CADM2: variants seen among roughly 807,000 people sequenced by gnomAD.
CADM2 encodes the protein immunoglobulin superfamily member 4D.
In CADM2, 12 loss-of-function variants were observed where a neutral mutation model predicts 49.8. The observed-to-expected ratio is 0.24, with a 90% CI of 0.15 to 0.39. The LOEUF is 0.39. Among genes scored for constraint, CADM2 ranks in the 10% least tolerant of loss-of-function variants. The pLI is 1.00. For synonymous variants in CADM2, 214 were observed against 175.4 expected (o/e 1.22, Z -1.74); for missense variants, 378 against 492.3 (o/e 0.77, Z 2.20).
chr3:85,788,355 ATATTT>A (rs1311165186), intron 2 of CADM2, among the ~76,000 whole-genome samples: 2 of 152,076 alleles, frequency 1.3e-5, no homozygotes, highest in African/African-American at 4.8e-5. Context: ...TCTCTTACAC[ATATTT>A]TATATCTATG....
rs17022207 is a variant in CADM2, at chr3:84,997,142, C to T, written c.61+37474C>T. Among the ~76,000 whole-genome samples, 183 of 152,160 alleles carry T rather than the reference C, an allele frequency of 1.2e-3. 2 individuals carry two copies. In the East Asian group the frequency reaches 0.032, roughly 27 times the overall value. On this transcript the variant is annotated intron_variant, in intron 1 of 9. Transcript: ENST00000383699. ...AATAGTGTTTAGAAGATACACTGTGCGAGTTATTTCCTCTGATTTGTCCAA... is the reference window on the plus strand; with the variant it reads ...AATAGTGTTTAGAAGATACACTGTGTGAGTTATTTCCTCTGATTTGTCCAA...
chr3:85,836,958 G>T (rs983823264), intron 3 of CADM2, among the ~76,000 whole-genome samples: 1 of 151,512 alleles, frequency 6.6e-6, no homozygotes, highest in African/African-American at 2.4e-5. Flanking sequence ...ATATGAACTT[G>T]CCAATTATGA....
At chr3:85,460,657 G>T (rs2038203728) in intron 1 of CADM2, among the ~76,000 whole-genome samples, 1 of 152,006 alleles carries the variant, frequency 6.6e-6, no homozygotes, top group Non-Finnish European at 1.5e-5. Context: ...TAGTACATAG[G>T]AAATTGGGTA....
intron 6 of CADM2, among the ~76,000 whole-genome samples, chr3:85,919,796 T>A (rs532965426): frequency 7.2e-4 from 109 of 152,046 alleles, no homozygotes; most frequent in African/African-American, 2.5e-3. Flanking sequence ...CTGGACCAAC[T>A]AATATGCTTG....
At chr3:85,388,547 T>C (rs1265081828) in intron 1 of CADM2, among the ~76,000 whole-genome samples, 1 of 152,198 alleles carries the variant, frequency 6.6e-6, no homozygotes. Context: ...GTATTTTATA[T>C]ATATGTCATC....
At chr3:85,217,080 C>A (rs2041944059) in intron 1 of CADM2, among the ~76,000 whole-genome samples, 2 of 151,436 alleles carry the variant, frequency 1.3e-5, no homozygotes, top group Non-Finnish European at 3.0e-5. Flanking sequence ...TTACATTTAC[C>A]TAAAATATTA....
At chr3:85,418,060 TG>T (rs2035994365) in intron 1 of CADM2, among the ~76,000 whole-genome samples, 1 of 152,198 alleles carries the variant, frequency 6.6e-6, no homozygotes, top group South Asian at 2.1e-4. Context: ...AAACATTATT[TG>T]TTTTTTCAGT....
chr3:85,695,966 T>C (rs1282822556), intron 1 of CADM2, among the ~76,000 whole-genome samples: 3 of 152,166 alleles, frequency 2.0e-5, no homozygotes, highest in African/African-American at 7.2e-5. Flanking sequence ...TAAGATATTA[T>C]ATAATTGTGT....
intron 1 of CADM2, among the ~76,000 whole-genome samples, chr3:85,408,250 G>A (rs369737112): frequency 1.8e-4 from 28 of 152,194 alleles, no homozygotes; most frequent in Middle Eastern, 3.4e-3. Flanking sequence ...AGGATTCAGC[G>A]CAGTAAATGT....
At chr3:85,882,369 T>C (rs1279708784) in intron 3 of CADM2, among the ~76,000 whole-genome samples, 1 of 152,126 alleles carries the variant, frequency 6.6e-6, no homozygotes, top group Non-Finnish European at 1.5e-5. Flanking sequence ...TCTCATTTGA[T>C]CAGCAATAAA....
At chr3:85,009,034 G>A (rs2107244349) in intron 1 of CADM2, among the ~76,000 whole-genome samples, 1 of 152,294 alleles carries the variant, frequency 6.6e-6, no homozygotes, top group Non-Finnish European at 1.5e-5. Context: ...TTGTATAAAT[G>A]TTCCTAGTGT....
chr3:85,860,087 A>G (rs1259675418), intron 3 of CADM2, among the ~76,000 whole-genome samples: 1 of 152,140 alleles, frequency 6.6e-6, no homozygotes, highest in African/African-American at 2.4e-5. Context: ...TGAGCCTGTG[A>G]CATCTATATA....
chr3:85,033,042 TA>T (rs1448074061), intron 1 of CADM2, among the ~76,000 whole-genome samples: 4 of 152,142 alleles, frequency 2.6e-5, no homozygotes, highest in South Asian at 2.1e-4. Context: ...AAATTCTACT[TA>T]AAAAAATTAC....
At chr3:85,832,989 GGT>G (rs2074248738) in intron 3 of CADM2, among the ~76,000 whole-genome samples, 2 of 151,652 alleles carry the variant, frequency 1.3e-5, no homozygotes, top group South Asian at 4.1e-4. Flanking sequence ...TTCAGTGTCT[GGT>G]TTGTTGAGGG....
intron 1 of CADM2, among the ~76,000 whole-genome samples, chr3:85,085,907 T>C (rs1440974222): frequency 6.6e-6 from 1 of 152,122 alleles, no homozygotes; most frequent in African/African-American, 2.4e-5. Context: ...AGAACAATTT[T>C]TCATGGGTAG....
At chr3:85,424,418 C>T (rs1431167274) in intron 1 of CADM2, among the ~76,000 whole-genome samples, 1 of 151,612 alleles carries the variant, frequency 6.6e-6, no homozygotes, top group Non-Finnish European at 1.5e-5. Flanking sequence ...TTAATGTCCC[C>T]ACCTTCCAAC....
intron 1 of CADM2, among the ~76,000 whole-genome samples, chr3:85,138,746 G>T (rs979314740): frequency 6.6e-6 from 1 of 152,136 alleles, no homozygotes; most frequent in African/African-American, 2.4e-5. Flanking sequence ...CCATCCTGGA[G>T]GAGACAGCAC....
chr3:85,321,998 C>A (rs1392742784), intron 1 of CADM2, among the ~76,000 whole-genome samples: 1 of 152,174 alleles, frequency 6.6e-6, no homozygotes, highest in African/African-American at 2.4e-5. Flanking sequence ...AATAATGTTG[C>A]TCACATAGTA....
At chr3:85,158,981 A>G (rs2107663384) in intron 1 of CADM2, among the ~76,000 whole-genome samples, 1 of 152,276 alleles carries the variant, frequency 6.6e-6, no homozygotes, top group South Asian at 2.1e-4. Flanking sequence ...TAGTGTGTGA[A>G]TGCTGAGAAA....
Sources: allele counts gnomAD v4.1 joint callset (sites outside exome capture counted in the v4.1 genomes callset), GRCh38; gene constraint gnomAD v4.1.1; transcripts MANE v1.5; gene names NCBI Gene and HGNC (gene_info 2026-07-23, HGNC 2026-07-21).